The following AKAP7 variants were observed in gnomAD, a reference collection of about 807,000 sequenced individuals.
AKAP7 encodes the protein A kinase (PRKA) anchor protein 7.
Under a neutral mutation model 39.5 loss-of-function variants are expected in AKAP7, and 39 were observed. That is an observed-to-expected ratio of 0.99 (90% CI 0.76 to 1.29). AKAP7 has a LOEUF of 1.29. Ranked by LOEUF, AKAP7 falls within the 50% of genes most tolerant of loss-of-function variation. AKAP7 has a pLI of 0.00. For missense variants in AKAP7, 414 were observed against 407.7 expected (o/e 1.02, Z -0.13); for synonymous variants, 140 against 139.1 (o/e 1.01, Z -0.05).
rs116757238 is a variant in AKAP7 at position 131,232,780 on chromosome 6, A to G, written c.850+12972A>G. ...GCACTCTAGTTTGAGGGACAAAGCA[A>G]GACTGTCTCAAAAAAAGAAAAAAGA... On this transcript the variant is annotated intron_variant, in intron 7 of 7. Coordinates refer to ENST00000431975, the MANE Select transcript of AKAP7 (RefSeq NM_016377.4). 2.7e-3 allele frequency among the ~76,000 whole-genome samples: 404 copies of G among 152,272 alleles called. 1 individual carries two copies. Among genetic ancestry groups the G allele is most frequent in the African/African-American group, 9.3e-3 (385 of 41,560 alleles).
intron 2 of AKAP7, among the ~76,000 whole-genome samples, chr6:131,151,466 C>G (rs973153274): frequency 6.7e-6 from 1 of 150,260 alleles, no homozygotes; most frequent in African/African-American, 2.5e-5. Flanking sequence ...AATATATGGC[C>G]GGGTGTGGTG....
chr6:131,274,636 C>G (rs963114003), intron 7 of AKAP7, among the ~76,000 whole-genome samples: 1 of 152,108 alleles, frequency 6.6e-6, no homozygotes, highest in Non-Finnish European at 1.5e-5. Context: ...CTGCACCCAG[C>G]TCTCTGCCTC....
chr6:131,156,878 C>G (rs987718966), intron 2 of AKAP7, among the ~76,000 whole-genome samples: 2 of 151,904 alleles, frequency 1.3e-5, no homozygotes, highest in Non-Finnish European at 2.9e-5. Flanking sequence ...GGGTTCACGC[C>G]ATTCTCCTGC....
intron 5 of AKAP7, among the ~76,000 whole-genome samples, chr6:131,180,306 A>G (rs1306307042): frequency 2.6e-5 from 4 of 152,112 alleles, no homozygotes; most frequent in Non-Finnish European, 5.9e-5. Flanking sequence ...TGTACCAGTT[A>G]CTTCTTCCCT....
chr6:131,132,226 T>C (rs1342020241), upstream of AKAP7, among the ~76,000 whole-genome samples: 1 of 150,472 alleles, frequency 6.6e-6, no homozygotes, highest in Non-Finnish European at 1.5e-5. Flanking sequence ...GCAGGGAGAA[T>C]GGCGGGAACC....
intron 1 of AKAP7, 96 bp downstream of exon 1, chr6:131,135,878 G>A (rs1800491868): frequency 2.5e-6 from 3 of 1,189,254 alleles, no homozygotes; most frequent in Non-Finnish European, 3.1e-6. Context: ...GGCCTGACCC[G>A]CGCCGGCCCT....
At chr6:131,154,490 T>TTA (rs1802242461) in intron 2 of AKAP7, among the ~76,000 whole-genome samples, 1 of 132,544 alleles carries the variant, frequency 7.5e-6, no homozygotes, top group Non-Finnish European at 1.6e-5. Context: ...TTTTTTTTTT[T>TTA]AATGTTGCAT....
chr6:131,150,868 G>T (rs899100142), intron 2 of AKAP7, among the ~76,000 whole-genome samples: 1 of 152,104 alleles, frequency 6.6e-6, no homozygotes, highest in Admixed American at 6.5e-5. Context: ...TCCTTAAAAC[G>T]TAACTAGCCT....
At chr6:131,156,625 G>A (rs1584966294) in intron 2 of AKAP7, among the ~76,000 whole-genome samples, 2 of 152,020 alleles carry the variant, frequency 1.3e-5, no homozygotes, top group South Asian at 4.2e-4. Context: ...GGGTGACAGA[G>A]TGAGATCCTA....
intron 6 of AKAP7, among the ~76,000 whole-genome samples, chr6:131,214,929 A>G (rs181577102): frequency 6.6e-5 from 10 of 152,116 alleles, no homozygotes; most frequent in East Asian, 5.8e-4. Flanking sequence ...TCCAAGCTCT[A>G]TCTCTTACTA....
chr6:131,133,266 T>C (rs945954130), upstream of AKAP7, among the ~76,000 whole-genome samples: 1 of 152,166 alleles, frequency 6.6e-6, no homozygotes, highest in South Asian at 2.1e-4. Context: ...TTATTATGGG[T>C]ATATAGATTT....
rs1815208418 is a variant in AKAP7 at position 131,281,701 on chromosome 6, A to G, written c.1022A>G (p.Asn341Ser). ...VKTEAADQNG[N>S]DNENNRK The stretch of plus-strand genomic sequence containing the variant: ...ACCGAAGCAGCTGATCAGAATGGCA[A>G]TGACAATGAGAACAACAGGAAATGA... Residue 341 changes from asparagine to serine, a missense_variant, in exon 8 of 8, where the codon AAT becomes AGT. By Grantham distance (46) the Asn-to-Ser change is conservative (BLOSUM62 1). Transcript: ENST00000431975. The surrounding 1 kb of genome is among the most constrained non-coding windows in gnomAD (Gnocchi z 4.0). The G allele has an allele frequency of 1.9e-6, 3 of 1,610,446 alleles. No individual in the cohort carries two copies. The highest frequency in any genetic ancestry group is 1.3e-5 in the African/African-American group (1 of 74,744).
At chr6:131,203,111 T>C (rs985969568) in intron 6 of AKAP7, among the ~76,000 whole-genome samples, 1 of 152,210 alleles carries the variant, frequency 6.6e-6, no homozygotes, top group Non-Finnish European at 1.5e-5. Context: ...CAGTTTCTTA[T>C]GCAGCAAATC....
At chr6:131,224,370 A>G (rs763427058) in intron 7 of AKAP7, among the ~76,000 whole-genome samples, 1 of 152,012 alleles carries the variant, frequency 6.6e-6, no homozygotes, top group Non-Finnish European at 1.5e-5. Flanking sequence ...TTTAATGTCA[A>G]TTTCTTGAGG....
At chr6:131,210,555 CA>C (rs1808551868) in intron 6 of AKAP7, among the ~76,000 whole-genome samples, 1 of 152,212 alleles carries the variant, frequency 6.6e-6, no homozygotes, top group African/African-American at 2.4e-5. Flanking sequence ...CCTTTCAGTG[CA>C]ACTGTATCTT....
intron 6 of AKAP7, 96 bp from the exon 7 acceptor site, chr6:131,219,563 GTA>G: frequency 9.1e-7 from 1 of 1,095,392 alleles, no homozygotes. Context: ...GTGTAACAAT[GTA>G]GTAATGTAAT....
chr6:131,131,463 CTTTCT>C (rs1306410271), upstream of AKAP7, among the ~76,000 whole-genome samples: 920 of 85,260 alleles, frequency 0.011, 10 homozygotes, highest in African/African-American at 0.034. Flanking sequence ...GTTTCTCTTT[CTTTCT>C]TTTTTTTTTT....
intron 5 of AKAP7, among the ~76,000 whole-genome samples, chr6:131,186,147 C>T (rs1247502813): frequency 6.6e-6 from 1 of 152,114 alleles, no homozygotes; most frequent in African/African-American, 2.4e-5. Context: ...GAGGTGGGGC[C>T]TTGTGGGAGG....
At chr6:131,195,981 G>T (rs905264193) in intron 5 of AKAP7, among the ~76,000 whole-genome samples, 1 of 152,040 alleles carries the variant, frequency 6.6e-6, no homozygotes, top group South Asian at 2.1e-4. Flanking sequence ...GAATATTGAC[G>T]TCTTTCTCCA....
Sources: allele counts gnomAD v4.1 joint callset (sites outside exome capture counted in the v4.1 genomes callset), GRCh38; gene constraint gnomAD v4.1.1; non-coding constraint Gnocchi (gnomAD v3.1); transcripts MANE v1.5; gene names NCBI Gene and HGNC (gene_info 2026-07-23, HGNC 2026-07-21).